Variants in JAKMIP3 observed in about 807,000 individuals in gnomAD.
JAKMIP3 encodes Janus kinase and microtubule interacting protein 3.
A neutral mutation model predicts 118.5 loss-of-function variants in JAKMIP3; 58 were observed. The observed-to-expected ratio is 0.49, with a 90% CI of 0.40 to 0.61. The LOEUF (loss-of-function observed/expected upper bound fraction) is 0.61, where lower values mean the gene tolerates loss of function less well. Among genes scored for constraint, JAKMIP3 ranks in the 20% least tolerant of loss-of-function variants. The pLI is 0.00. For synonymous variants in JAKMIP3, 486 were observed against 451.2 expected (o/e 1.08, Z -0.98); for missense variants, 950 against 1,109.0 (o/e 0.86, Z 2.04).
At chr10:132,166,389 C>T (rs748147936) in intron 21 of JAKMIP3, among the ~76,000 whole-genome samples, 13 of 152,092 alleles carry the variant, frequency 8.5e-5, no homozygotes, top group African/African-American at 2.2e-4. Flanking sequence ...CATTCCCAAG[C>T]GATGCCCCAC....
chr10:132,138,132 T>C lies in JAKMIP3; in HGVS notation c.1298T>C (p.Leu433Pro), dbSNP rs1470869928. The C allele has an allele frequency of 4.3e-6, 7 of 1,612,328 alleles. No homozygotes were observed. The highest frequency in any genetic ancestry group is 5.9e-6 in the Non-Finnish European group (7 of 1,179,246). The change falls in exon 9 of 24, where the codon CTG (leucine) becomes CCG (proline). Residue 433 changes from leucine to proline, a missense_variant. Physicochemically the swap from Leu to Pro is moderately conservative, Grantham distance 98. Transcript: ENST00000684848. Reference protein sequence around the residue: ...YVKSVLERDKLLRFRKQRKKM... With the variant: ...YVKSVLERDKPLRFRKQRKKM... ...TGGCTTCCGCAGGAGCGGGACAAGC[T>C]GTTAAGATTCCGGAAGCAAAGAAAG...
Position 132,135,917 on chromosome 10 carries a change from C to G in JAKMIP3, c.970-13C>G. ...TCACTTAAAGAACAATCACATAGTG[C>G]GTTGTCTTTCAGTTGAAGCGCGTAA... On this transcript the variant is annotated splice_polypyrimidine_tract_variant and intron_variant, in intron 5 of 23. Coordinates refer to ENST00000684848, the MANE Select transcript of JAKMIP3 (RefSeq NM_001323087.2). 1 of 1,609,206 alleles carries G rather than the reference C, an allele frequency of 6.2e-7. No individual in the cohort carries two copies. Among genetic ancestry groups the G allele is most frequent in the Non-Finnish European group, 8.5e-7 (1 of 1,178,044 alleles).
At chr10:132,094,306 G>A (rs1352231250) in intron 1 of JAKMIP3, among the ~76,000 whole-genome samples, 2 of 152,078 alleles carry the variant, frequency 1.3e-5, no homozygotes, top group Admixed American at 1.3e-4. Flanking sequence ...GTGAGCTAGT[G>A]TGATTTTTTT....
chr10:132,168,602 C>G lies in JAKMIP3; in HGVS notation c.*672C>G, dbSNP rs1008991879. On this transcript the variant is annotated 3_prime_UTR_variant, in exon 23 of 24. Transcript: ENST00000684848. The stretch of plus-strand genomic sequence containing the variant: ...GGACAGACAAGAGCCGTGGCCGCCG[C>G]GGGCCGCGTGGTGCCATCAACCCTC... 2.8e-6 allele frequency: 1 copy of G among 356,638 alleles called. No individual in the cohort carries two copies. The highest frequency in any genetic ancestry group is 2.1e-5 in the South Asian group (1 of 47,200). 22.1% of individuals were successfully genotyped at this position (356,638 alleles called of 1,614,324 possible).
intron 2 of JAKMIP3, among the ~76,000 whole-genome samples, chr10:132,116,010 G>T (rs1255706625): frequency 6.6e-6 from 1 of 152,234 alleles, no homozygotes; most frequent in East Asian, 1.9e-4. Flanking sequence ...GGCAGGCAGC[G>T]GTCCCGGCAC....
In JAKMIP3 at chr10:132,160,930, T is replaced by C. The variant is rs376122820; in HGVS notation, c.2221-2279T>C. 2.1e-3 allele frequency among the ~76,000 whole-genome samples: 7 copies of C among 3,406 alleles called. 1 individual carries two copies. Among genetic ancestry groups the C allele is most frequent in the East Asian group, 0.12 (1 of 8 alleles). The allele number at this position is 3,406 out of a possible 152,430, so 2.2% of individuals were successfully genotyped here. On this transcript the variant is annotated intron_variant, in intron 19 of 23. Coordinates refer to ENST00000684848, the MANE Select transcript of JAKMIP3 (RefSeq NM_001323087.2). ...TCCTGTGTGATGCTAGGGGGTCTCT[T>C]CCTGTGTGATGCTGGGTGGGCCTCT...
chr10:132,069,579 C>A (rs2133954169), intron 1 of JAKMIP3, among the ~76,000 whole-genome samples: 1 of 152,216 alleles, frequency 6.6e-6, no homozygotes, highest in Admixed American at 6.5e-5. Context: ...TCTGGCATCC[C>A]CCCCTGCGTG....
At chr10:132,071,059 T>G (rs568101662) in intron 1 of JAKMIP3, among the ~76,000 whole-genome samples, 1 of 152,306 alleles carries the variant, frequency 6.6e-6, no homozygotes, top group East Asian at 1.9e-4. Context: ...ACTTTAGCTG[T>G]GTCCTGCAAC....
At chr10:132,067,252 C>T (rs889435435) in intron 1 of JAKMIP3, among the ~76,000 whole-genome samples, 8 of 147,376 alleles carry the variant, frequency 5.4e-5, no homozygotes, top group African/African-American at 2.0e-4. Context: ...CTGGCACATT[C>T]ACATTCCTTC....
intron 23 of JAKMIP3, among the ~76,000 whole-genome samples, chr10:132,172,270 G>A: frequency 6.6e-6 from 1 of 152,094 alleles, no homozygotes; most frequent in Non-Finnish European, 1.5e-5. Flanking sequence ...TGGACCCTAA[G>A]TACCACACCA....
chr10:132,114,665 A>T (rs1301453947), intron 2 of JAKMIP3, among the ~76,000 whole-genome samples: 1 of 152,252 alleles, frequency 6.6e-6, no homozygotes, highest in Non-Finnish European at 1.5e-5. Context: ...ATTGAATTGC[A>T]TTGAATCTAT....
intron 1 of JAKMIP3, among the ~76,000 whole-genome samples, chr10:132,087,147 G>C (rs1386574361): frequency 1.3e-5 from 2 of 152,108 alleles, no homozygotes; most frequent in African/African-American, 4.8e-5. Context: ...CAAAAGAGTT[G>C]GCTTGTAATC....
chr10:132,148,632 AC>A (rs2055178440), intron 14 of JAKMIP3, among the ~76,000 whole-genome samples: 1 of 152,218 alleles, frequency 6.6e-6, no homozygotes, highest in African/African-American at 2.4e-5. Context: ...AGTGGGGGCC[AC>A]GCGGTGACTG....
intron 6 of JAKMIP3, among the ~76,000 whole-genome samples, chr10:132,136,797 C>T (rs895636961): frequency 5.3e-5 from 8 of 152,146 alleles, no homozygotes; most frequent in South Asian, 2.1e-4. Flanking sequence ...TGTGTCTGTC[C>T]GGGCTGCACA....
intron 1 of JAKMIP3, among the ~76,000 whole-genome samples, chr10:132,039,446 C>G (rs555052015): frequency 6.6e-6 from 1 of 151,756 alleles, no homozygotes; most frequent in Admixed American, 6.6e-5. Flanking sequence ...GGCCACCCAC[C>G]GTTTCCCAGT....
chr10:132,119,149 G>A (rs946211143), intron 3 of JAKMIP3, among the ~76,000 whole-genome samples: 1 of 151,914 alleles, frequency 6.6e-6, no homozygotes, highest in African/African-American at 2.4e-5. Flanking sequence ...TCCAACCTGT[G>A]TCTTCACTCT....
At position 132,041,844 on chromosome 10, in the gene JAKMIP3, C is replaced by G. The variant is rs535275855; in HGVS notation, c.-138+5106C>G. On this transcript the variant is annotated intron_variant, in intron 1 of 23. Transcript: ENST00000657785. ...TGTGTTTCTTTTCTTTCTATCCTTTCTTTTCTTTCTTTTTTCTTTCTTTTC... is the reference window on the plus strand; with the variant it reads ...TGTGTTTCTTTTCTTTCTATCCTTTGTTTTCTTTCTTTTTTCTTTCTTTTC... Among the ~76,000 whole-genome samples, 45 of 152,144 alleles carry G rather than the reference C, an allele frequency of 3.0e-4. No individual in the cohort carries two copies. The South Asian group carries it at 8.9e-3, about 30-fold the overall frequency.
chr10:132,071,849 CT>C (rs2039942182), intron 1 of JAKMIP3, among the ~76,000 whole-genome samples: 1 of 123,462 alleles, frequency 8.1e-6, no homozygotes, highest in African/African-American at 3.3e-5. Flanking sequence ...TCCTTTCTTT[CT>C]TTCCTTTCTT....
upstream of JAKMIP3, among the ~76,000 whole-genome samples, chr10:132,064,983 G>A (rs1450637457): frequency 6.6e-6 from 1 of 152,178 alleles, no homozygotes; most frequent in African/African-American, 2.4e-5. The surrounding 1 kb of genome is among the most constrained non-coding windows in gnomAD (Gnocchi z 4.4). Context: ...AGAGCGGGCT[G>A]GGAGCAGGGG....
Sources: gnomAD v4.1 joint callset for allele counts (sites outside exome capture counted in the v4.1 genomes callset) on GRCh38, gnomAD v4.1.1 for gene constraint, Gnocchi (gnomAD v3.1) non-coding constraint, MANE v1.5 for transcripts, NCBI Gene and HGNC (gene_info 2026-07-23, HGNC 2026-07-21) for gene names.